GRM5: variants seen among roughly 807,000 people sequenced by gnomAD.
The protein encoded by GRM5 is glutamate metabotropic receptor 5.
In GRM5, 19 loss-of-function variants were observed where a neutral mutation model predicts 83.1. The ratio of observed to expected loss-of-function variants is 0.23; its 90% CI spans 0.16 to 0.34. The LOEUF is 0.34. Among genes scored for constraint, GRM5 ranks in the 10% least tolerant of loss-of-function variants. The pLI is 1.00. For missense variants in GRM5, 1,160 were observed against 1,588.3 expected (o/e 0.73, Z 4.58); for synonymous variants, 675 against 633.6 (o/e 1.07, Z -0.98).
At chr11:88,652,784 C>T (rs112356445) in intron 4 of GRM5, among the ~76,000 whole-genome samples, 106 of 152,070 alleles carry the variant, frequency 7.0e-4, no homozygotes, top group African/African-American at 2.4e-3. Flanking sequence ...TATATGAAAC[C>T]GTTACTATGT....
chr11:88,631,343 T>C (rs977455254), intron 4 of GRM5, among the ~76,000 whole-genome samples: 4 of 152,228 alleles, frequency 2.6e-5, no homozygotes, highest in African/African-American at 9.6e-5. Flanking sequence ...AGTAATATGC[T>C]GTAAATCATC....
At chr11:88,823,182 TTTTA>T (rs1943831995) in intron 3 of GRM5, among the ~76,000 whole-genome samples, 1 of 151,476 alleles carries the variant, frequency 6.6e-6, no homozygotes, top group South Asian at 2.1e-4. Context: ...CTATTAGATG[TTTTA>T]TTTGTTACAT....
intron 2 of GRM5, among the ~76,000 whole-genome samples, chr11:88,950,014 G>A (rs1371209376): frequency 6.6e-6 from 1 of 150,554 alleles, no homozygotes; most frequent in Non-Finnish European, 1.5e-5. Context: ...ACAGGTACAT[G>A]CCACCAAGCC....
chr11:88,543,385 A>G (rs7932732), intron 8 of GRM5, among the ~76,000 whole-genome samples: 2,039 of 152,278 alleles, frequency 0.013, 48 homozygotes, highest in African/African-American at 0.046. Context: ...GTGCAAGCTG[A>G]CTGCCTTGCT....
At chr11:88,871,637 G>T (rs1362763638) in intron 2 of GRM5, among the ~76,000 whole-genome samples, 4 of 151,414 alleles carry the variant, frequency 2.6e-5, no homozygotes, top group African/African-American at 9.7e-5. Context: ...GGAAATGAAA[G>T]AAAGGAGAGA....
chr11:88,649,457 T>C lies in GRM5; in HGVS notation c.1147+3711A>G, dbSNP rs543908244. 3.7e-4 allele frequency among the ~76,000 whole-genome samples: 53 copies of C among 144,344 alleles called. 2 individuals are homozygous for C. The South Asian group carries it at 9.9e-3, about 27-fold the overall frequency. 94.7% of individuals were successfully genotyped at this position (144,344 alleles called of 152,430 possible). A position where few individuals can be genotyped will look rare whatever the true frequency, so the allele number is the denominator to read the frequency against. On this transcript the variant is annotated intron_variant, in intron 4 of 9. Coordinates refer to ENST00000305447, the MANE Select transcript of GRM5 (RefSeq NM_001143831.3). ...CATTTATTATGTATTATATATTATA[T>C]ATTACATATATACTATATATAATTT...
intron 3 of GRM5, among the ~76,000 whole-genome samples, chr11:88,710,604 T>A (rs1407682244): frequency 6.6e-6 from 1 of 152,148 alleles, no homozygotes; most frequent in Non-Finnish European, 1.5e-5. Flanking sequence ...CTCTAAAGGA[T>A]AAAAATTGTT....
intron 7 of GRM5, among the ~76,000 whole-genome samples, chr11:88,585,026 G>A (rs1264837437): frequency 6.6e-6 from 1 of 152,192 alleles, no homozygotes; most frequent in East Asian, 1.9e-4. Context: ...CCCTGAAGCA[G>A]GTCATAAGAC....
chr11:89,045,160 C>A (rs1267517028), intron 2 of GRM5, among the ~76,000 whole-genome samples: 1 of 152,136 alleles, frequency 6.6e-6, no homozygotes, highest in Non-Finnish European at 1.5e-5. Flanking sequence ...GGTGGTACAA[C>A]CTAAATATTT....
At chr11:89,062,936 TA>T (rs1453972330) in intron 1 of GRM5, among the ~76,000 whole-genome samples, 2 of 152,224 alleles carry the variant, frequency 1.3e-5, no homozygotes, top group Non-Finnish European at 2.9e-5. Flanking sequence ...AGGGGAAAGA[TA>T]AATCCATGGA....
chr11:88,624,172 T>A (rs1024382661), intron 4 of GRM5, among the ~76,000 whole-genome samples: 21 of 152,276 alleles, frequency 1.4e-4, no homozygotes, highest in African/African-American at 4.8e-4. Context: ...GGACCAAAAG[T>A]TTTCCTGAGC....
intron 6 of GRM5, among the ~76,000 whole-genome samples, chr11:88,591,799 A>G (rs1937645726): frequency 1.3e-5 from 2 of 152,236 alleles, no homozygotes; most frequent in Non-Finnish European, 2.9e-5. Context: ...CTTTTCCCTA[A>G]AGTAACTAAA....
At chr11:88,546,978 C>T (rs1470364586) in intron 8 of GRM5, among the ~76,000 whole-genome samples, 1 of 152,058 alleles carries the variant, frequency 6.6e-6, no homozygotes, top group Non-Finnish European at 1.5e-5. Flanking sequence ...ATTGGTTTCT[C>T]ATTCTTCTAT....
At chr11:88,878,303 A>C (rs1327626762) in intron 2 of GRM5, among the ~76,000 whole-genome samples, 2 of 152,160 alleles carry the variant, frequency 1.3e-5, no homozygotes, top group Admixed American at 6.5e-5. Context: ...GGGAATCACA[A>C]CACAGTCAAG....
chr11:89,062,791 G>A (rs1234132055), intron 1 of GRM5, among the ~76,000 whole-genome samples: 1 of 152,228 alleles, frequency 6.6e-6, no homozygotes, highest in African/African-American at 2.4e-5. Context: ...TGCACGTTGG[G>A]CTCGGGCCAC....
chr11:88,575,384 T>G (rs1943088611), intron 7 of GRM5, among the ~76,000 whole-genome samples: 1 of 152,040 alleles, frequency 6.6e-6, no homozygotes, highest in African/African-American at 2.4e-5. Context: ...GGACTGAGAT[T>G]AAAACTCTGT....
intron 2 of GRM5, among the ~76,000 whole-genome samples, chr11:89,024,304 A>G (rs1004251452): frequency 6.6e-6 from 1 of 152,230 alleles, no homozygotes; most frequent in African/African-American, 2.4e-5. Context: ...ATACAGGTTC[A>G]GACAGCTAGC....
At chr11:88,556,858 G>C (rs1942640918) in intron 8 of GRM5, among the ~76,000 whole-genome samples, 1 of 151,998 alleles carries the variant, frequency 6.6e-6, no homozygotes, top group African/African-American at 2.4e-5. Context: ...CGGCTACCTT[G>C]TTCCATCAGG....
At chr11:88,796,046 A>T (rs967735743) in intron 3 of GRM5, among the ~76,000 whole-genome samples, 5 of 152,226 alleles carry the variant, frequency 3.3e-5, no homozygotes, top group African/African-American at 4.8e-5. Context: ...CTTCTGAAGG[A>T]TATAATTAAA....
Sources: allele counts gnomAD v4.1 joint callset (sites outside exome capture counted in the v4.1 genomes callset), GRCh38; gene constraint gnomAD v4.1.1; transcripts MANE v1.5; gene names NCBI Gene and HGNC (gene_info 2026-07-23, HGNC 2026-07-21).